Variants in CDH12 observed in about 807,000 individuals in gnomAD.
The protein encoded by CDH12 is cadherin 12.
In CDH12, 41 loss-of-function variants were observed where a neutral mutation model predicts 74.1. The observed-to-expected ratio is 0.55, with a 90% CI of 0.43 to 0.72. CDH12 has a LOEUF of 0.72. CDH12 is among the 30% of genes least tolerant of loss of function. The pLI, the probability that CDH12 is intolerant of heterozygous loss-of-function variation, is 0.00. For synonymous variants in CDH12, 399 were observed against 355.0 expected (o/e 1.12, Z -1.39); for missense variants, 945 against 977.2 (o/e 0.97, Z 0.44).
At chr5:22,768,372 GGA>G (rs565819647) in intron 1 of CDH12, among the ~76,000 whole-genome samples, 25 of 152,124 alleles carry the variant, frequency 1.6e-4, no homozygotes, top group Non-Finnish European at 3.5e-4. Context: ...ATTCAGTTAT[GGA>G]GAGTTTATTA....
chr5:22,846,584 A>T (rs1484409774), intron 1 of CDH12, among the ~76,000 whole-genome samples: 1 of 152,234 alleles, frequency 6.6e-6, no homozygotes, highest in African/African-American at 2.4e-5. Flanking sequence ...TGTGAAAAAA[A>T]TCATCTAAAC....
chr5:22,046,050 C>A (rs978685365), intron 5 of CDH12, among the ~76,000 whole-genome samples: 1 of 152,078 alleles, frequency 6.6e-6, no homozygotes, highest in Non-Finnish European at 1.5e-5. Context: ...TTAGAAGTAG[C>A]ATTGCCAATG....
chr5:22,244,205 G>A (rs944776251), intron 3 of CDH12, among the ~76,000 whole-genome samples: 1 of 151,978 alleles, frequency 6.6e-6, no homozygotes, highest in Non-Finnish European at 1.5e-5. Context: ...ATAATCTATA[G>A]CAGGCCAGGT....
intron 2 of CDH12, among the ~76,000 whole-genome samples, chr5:22,492,450 T>A (rs1234198745): frequency 6.6e-6 from 1 of 151,412 alleles, no homozygotes; most frequent in Non-Finnish European, 1.5e-5. Context: ...CGGGGTCAAG[T>A]GATTCTCCTG....
chr5:22,846,550 A>T (rs1737312400), intron 1 of CDH12, among the ~76,000 whole-genome samples: 1 of 152,228 alleles, frequency 6.6e-6, no homozygotes, highest in African/African-American at 2.4e-5. Context: ...AAACTAATAA[A>T]GAAAAAGCAG....
intron 1 of CDH12, among the ~76,000 whole-genome samples, chr5:22,848,190 T>C (rs560505622): frequency 2.0e-5 from 3 of 152,338 alleles, no homozygotes; most frequent in African/African-American, 4.8e-5. Flanking sequence ...GTTAACCTTT[T>C]GAAATATGAT....
At chr5:22,100,824 G>A (rs192801781) in intron 4 of CDH12, among the ~76,000 whole-genome samples, 1 of 152,080 alleles carries the variant, frequency 6.6e-6, no homozygotes, top group African/African-American at 2.4e-5. Flanking sequence ...TACCACTGGG[G>A]ATATAAATGG....
chr5:22,741,810 G>A (rs1179779850), intron 1 of CDH12, among the ~76,000 whole-genome samples: 1 of 152,178 alleles, frequency 6.6e-6, no homozygotes, highest in African/African-American at 2.4e-5. Context: ...ATTTGGGTTG[G>A]AATAGATACT....
At chr5:22,007,568 T>A (rs530233214) in intron 5 of CDH12, among the ~76,000 whole-genome samples, 1 of 152,182 alleles carries the variant, frequency 6.6e-6, no homozygotes, top group Admixed American at 6.5e-5. Context: ...TTTGTATCAG[T>A]TGGCCTGCAA....
intron 11 of CDH12, among the ~76,000 whole-genome samples, chr5:21,767,835 T>C (rs549993429): frequency 6.6e-6 from 1 of 151,680 alleles, no homozygotes; most frequent in Non-Finnish European, 1.5e-5. Context: ...AACATCTCAG[T>C]TTGAGAACTA....
At chr5:22,581,600 C>T (rs1740105426) in intron 1 of CDH12, among the ~76,000 whole-genome samples, 1 of 152,166 alleles carries the variant, frequency 6.6e-6, no homozygotes, top group African/African-American at 2.4e-5. Flanking sequence ...CAGGGCCCCA[C>T]ACAGAGTACC....
intron 1 of CDH12, among the ~76,000 whole-genome samples, chr5:22,557,531 A>G (rs1194070634): frequency 6.6e-6 from 1 of 152,106 alleles, no homozygotes; most frequent in African/African-American, 2.4e-5. Flanking sequence ...AGGCGTGGGA[A>G]GAAAGGAAAA....
chr5:21,798,326 A>T (rs1746910247), intron 10 of CDH12, among the ~76,000 whole-genome samples: 1 of 151,838 alleles, frequency 6.6e-6, no homozygotes, highest in South Asian at 2.1e-4. Context: ...CTGGAACTTA[A>T]CTGGAAGTGA....
intron 3 of CDH12, among the ~76,000 whole-genome samples, chr5:22,221,939 T>C (rs770059039): frequency 1.3e-5 from 2 of 151,970 alleles, no homozygotes; most frequent in African/African-American, 4.8e-5. Context: ...TTAATTGTTA[T>C]CAGAATATAA....
chr5:22,212,188 C>T (rs375554043), intron 4 of CDH12: 2 of 152,178 alleles, frequency 1.3e-5, no homozygotes, highest in South Asian at 4.1e-4. Context: ...TCACTTCAAT[C>T]AAAACCAATT....
chr5:22,406,664 G>T (rs879861527), intron 2 of CDH12, among the ~76,000 whole-genome samples: 1 of 152,050 alleles, frequency 6.6e-6, no homozygotes, highest in Non-Finnish European at 1.5e-5. Flanking sequence ...CATATTTAGA[G>T]AATATTCTGA....
intron 1 of CDH12, among the ~76,000 whole-genome samples, chr5:22,625,735 T>A (rs1738254815): frequency 6.6e-6 from 1 of 152,128 alleles, no homozygotes; most frequent in African/African-American, 2.4e-5. Context: ...CATATTTGAA[T>A]GCCCAAGCAG....
At chr5:22,454,275 T>A (rs1467970718) in intron 2 of CDH12, among the ~76,000 whole-genome samples, 1 of 152,182 alleles carries the variant, frequency 6.6e-6, no homozygotes, top group Non-Finnish European at 1.5e-5. Context: ...CTTTCGTATA[T>A]CATAGAAAGA....
At chr5:22,812,532 A>G (rs1749201581) in intron 1 of CDH12, among the ~76,000 whole-genome samples, 1 of 152,048 alleles carries the variant, frequency 6.6e-6, no homozygotes, top group African/African-American at 2.4e-5. Flanking sequence ...CAGATTGCAA[A>G]CCTGTGAAGC....
Sources: allele counts gnomAD v4.1 joint callset (sites outside exome capture counted in the v4.1 genomes callset), GRCh38; gene constraint gnomAD v4.1.1; transcripts MANE v1.5; gene names NCBI Gene and HGNC (gene_info 2026-07-23, HGNC 2026-07-21).